The following RNF13 variants were observed in gnomAD, a reference collection of about 807,000 sequenced individuals.
RNF13 encodes the protein ring finger protein 13.
Under a neutral mutation model 37.7 loss-of-function variants are expected in RNF13, and 19 were observed. The ratio of observed to expected loss-of-function variants is 0.50; its 90% CI spans 0.35 to 0.74. The LOEUF (loss-of-function observed/expected upper bound fraction) is 0.74, where lower values mean the gene tolerates loss of function less well. Among genes scored for constraint, RNF13 ranks in the 30% least tolerant of loss-of-function variants. RNF13 has a pLI of 0.01. For missense variants in RNF13, 375 were observed against 453.0 expected (o/e 0.83, Z 1.56); for synonymous variants, 144 against 157.8 (o/e 0.91, Z 0.65).
intron 8 of RNF13, among the ~76,000 whole-genome samples, chr3:149,936,430 A>G (rs1559962391): frequency 6.6e-6 from 1 of 151,402 alleles, no homozygotes; most frequent in Admixed American, 6.6e-5. Context: ...TTACTCTCCT[A>G]TGTCTCCTCT....
intron 3 of RNF13, among the ~76,000 whole-genome samples, chr3:149,861,473 C>T (rs1724248630): frequency 6.6e-6 from 1 of 152,004 alleles, no homozygotes; most frequent in African/African-American, 2.4e-5. Context: ...TGTCATTTGT[C>T]ACAACATGAA....
chr3:149,896,800 A>G (rs1478035949), intron 5 of RNF13, among the ~76,000 whole-genome samples: 2 of 151,960 alleles, frequency 1.3e-5, no homozygotes, highest in African/African-American at 4.8e-5. Context: ...TCTTAACCCT[A>G]ATAGAGTGAG....
chr3:149,882,022 C>T (rs1364649006), intron 4 of RNF13, among the ~76,000 whole-genome samples: 2 of 151,406 alleles, frequency 1.3e-5, no homozygotes, highest in African/African-American at 4.9e-5. Flanking sequence ...TTTTCTCTGC[C>T]ACAGAGAAGG....
chr3:149,836,563 G>T (rs1009200307), intron 1 of RNF13, among the ~76,000 whole-genome samples: 1 of 151,746 alleles, frequency 6.6e-6, no homozygotes, highest in Non-Finnish European at 1.5e-5. Flanking sequence ...AACTGTTTGT[G>T]CATTATTTGT....
chr3:149,826,457 T>C (rs1025263922), intron 1 of RNF13, among the ~76,000 whole-genome samples: 1 of 152,204 alleles, frequency 6.6e-6, no homozygotes, highest in Non-Finnish European at 1.5e-5. Context: ...AATCATTTCA[T>C]CTCCTCCAAA....
At chr3:149,849,638 A>G (rs140784858) in intron 2 of RNF13, among the ~76,000 whole-genome samples, 83 of 152,328 alleles carry the variant, frequency 5.4e-4, no homozygotes, top group African/African-American at 2.0e-3. Context: ...TGCCTCGGTT[A>G]GAATCCTGGT....
At chr3:149,882,778 A>C (rs566208401) in intron 4 of RNF13, among the ~76,000 whole-genome samples, 2 of 152,264 alleles carry the variant, frequency 1.3e-5, no homozygotes, top group African/African-American at 4.8e-5. Flanking sequence ...TGGTAGTTGA[A>C]AATTAATCTA....
intron 1 of RNF13, 140 bp from the exon 2 acceptor site, chr3:149,845,871 A>G (rs1722594258): frequency 1.8e-6 from 1 of 556,432 alleles, no homozygotes; most frequent in African/African-American, 1.9e-5. Context: ...TATGCTTTTG[A>G]AATAAAAGCT....
chr3:149,870,757 G>C (rs1032791585), intron 3 of RNF13, among the ~76,000 whole-genome samples: 1 of 151,814 alleles, frequency 6.6e-6, no homozygotes, highest in Non-Finnish European at 1.5e-5. Flanking sequence ...GCAAATGAAA[G>C]AGTGATACAT....
intron 1 of RNF13, among the ~76,000 whole-genome samples, chr3:149,817,767 T>G (rs867254484): frequency 6.6e-6 from 1 of 152,136 alleles, no homozygotes; most frequent in Non-Finnish European, 1.5e-5. Context: ...AGTTAATATA[T>G]GAAAAGGGTC....
At chr3:149,871,081 G>T (rs566229121) in intron 3 of RNF13, among the ~76,000 whole-genome samples, 73 of 128,754 alleles carry the variant, frequency 5.7e-4, no homozygotes, top group African/African-American at 2.1e-3. Flanking sequence ...TCGCTCTATC[G>T]CCCAGGCTGG....
chr3:149,940,073 C>T (rs1321922125), intron 8 of RNF13, among the ~76,000 whole-genome samples: 1 of 151,854 alleles, frequency 6.6e-6, no homozygotes, highest in Non-Finnish European at 1.5e-5. Context: ...GTATTTGTTG[C>T]CCCTGTTTCT....
chr3:149,839,363 T>C (rs1412097032), intron 1 of RNF13, among the ~76,000 whole-genome samples: 1 of 91,994 alleles, frequency 1.1e-5, no homozygotes, highest in African/African-American at 4.4e-5. Flanking sequence ...CAGTACCCAC[T>C]CCACTGGTAC....
intron 2 of RNF13, among the ~76,000 whole-genome samples, chr3:149,852,293 A>G (rs1229474750): frequency 1.3e-5 from 2 of 152,204 alleles, no homozygotes; most frequent in African/African-American, 4.8e-5. Flanking sequence ...CTGCTCGATA[A>G]TATTTGAAAT....
chr3:149,815,527 A>G (rs2108300820), intron 1 of RNF13, among the ~76,000 whole-genome samples: 1 of 152,368 alleles, frequency 6.6e-6, no homozygotes, highest in African/African-American at 2.4e-5. Context: ...CACATGACAT[A>G]AAAAGGGGAA....
chr3:149,856,763 T>C (rs1431539785), intron 3 of RNF13, among the ~76,000 whole-genome samples: 6 of 152,152 alleles, frequency 3.9e-5, no homozygotes, highest in African/African-American at 9.7e-5. Context: ...ACTTTTTTTA[T>C]TGAGACGGAG....
intron 8 of RNF13, among the ~76,000 whole-genome samples, chr3:149,951,701 C>G (rs1170832464): frequency 6.6e-6 from 1 of 152,148 alleles, no homozygotes; most frequent in African/African-American, 2.4e-5. Flanking sequence ...CATTTTAGGT[C>G]TTATAAGCAT....
intron 8 of RNF13, among the ~76,000 whole-genome samples, chr3:149,938,845 C>T (rs1305737555): frequency 6.6e-6 from 1 of 152,130 alleles, no homozygotes; most frequent in Non-Finnish European, 1.5e-5. Flanking sequence ...TTGGGCAACA[C>T]ATTCTTGGCA....
rs1714410549 is a variant in RNF13, at chr3:149,889,292, C to CGTGTGTGTGTAT, written c.322-6171_322-6170insATGTGTGTGTGT. On this transcript the variant is annotated intron_variant, in intron 4 of 9. Transcript: ENST00000392894. ...TGCTGAAAATCTGAATTTGAGTGTGCGTGTGTGTGTGTGTGTGTGTGTGTG... is the reference window on the plus strand; with the variant it reads ...TGCTGAAAATCTGAATTTGAGTGTGCGTGTGTGTGTATGTGTGTGTGTGTGTGTGTGTGTGTG... 2.9e-5 allele frequency among the ~76,000 whole-genome samples: 4 copies of CGTGTGTGTGTAT among 138,122 alleles called. No homozygotes were observed. In the Admixed American group the frequency reaches 2.9e-4, roughly 10 times the overall value. 90.6% of individuals were successfully genotyped at this position (138,122 alleles called of 152,430 possible). A position where few individuals can be genotyped will look rare whatever the true frequency, so the allele number is the denominator to read the frequency against.
Sources: gnomAD v4.1 joint callset for allele counts (sites outside exome capture counted in the v4.1 genomes callset) on GRCh38, gnomAD v4.1.1 for gene constraint, MANE v1.5 for transcripts, NCBI Gene and HGNC (gene_info 2026-07-23, HGNC 2026-07-21) for gene names.